CNTNAP2: variants seen among roughly 807,000 people sequenced by gnomAD.
The protein encoded by CNTNAP2 is contactin-associated protein-like 2.
A neutral mutation model predicts 155.2 loss-of-function variants in CNTNAP2; 98 were observed. The observed-to-expected ratio is 0.63, with a 90% CI of 0.54 to 0.75. The LOEUF (loss-of-function observed/expected upper bound fraction) is 0.75. Ranked by LOEUF, CNTNAP2 falls within the 30% of genes least tolerant of loss-of-function variation. The probability of loss-of-function intolerance (pLI) is 0.00; values close to 1 mark genes in which losing one functional copy is unlikely to be tolerated. For synonymous variants in CNTNAP2, 651 were observed against 631.2 expected (o/e 1.03, Z -0.47); for missense variants, 1,727 against 1,688.1 (o/e 1.02, Z -0.40).
chr7:147,893,220 T>A (rs544112537), intron 13 of CNTNAP2, among the ~76,000 whole-genome samples: 51 of 152,344 alleles, frequency 3.3e-4, no homozygotes, highest in Non-Finnish European at 7.1e-4. Context: ...TGCCAATACA[T>A]GATTTTTTAT....
intron 21 of CNTNAP2, among the ~76,000 whole-genome samples, chr7:148,327,119 A>G (rs1038350880): frequency 1.9e-4 from 29 of 152,248 alleles, no homozygotes; most frequent in African/African-American, 6.7e-4. Flanking sequence ...CGAAGGAGTG[A>G]AATACCTACC....
At chr7:147,317,835 T>C (rs1352329622) in intron 9 of CNTNAP2, among the ~76,000 whole-genome samples, 1 of 151,838 alleles carries the variant, frequency 6.6e-6, no homozygotes, top group East Asian at 1.9e-4. Context: ...TGTGCGTGTA[T>C]ATATGTATCT....
intron 2 of CNTNAP2, among the ~76,000 whole-genome samples, chr7:146,834,951 G>T (rs1281456135): frequency 6.6e-6 from 1 of 152,036 alleles, no homozygotes; most frequent in African/African-American, 2.4e-5. Context: ...AGACCAAAGA[G>T]AAAAAGGGAA....
At chr7:147,643,130 T>G (rs150212777) in intron 13 of CNTNAP2, among the ~76,000 whole-genome samples, 1 of 152,134 alleles carries the variant, frequency 6.6e-6, no homozygotes, top group African/African-American at 2.4e-5. Context: ...AACACTGTCT[T>G]TAATTTATGG....
At chr7:146,537,853 A>G (rs1797893122) in intron 1 of CNTNAP2, among the ~76,000 whole-genome samples, 1 of 152,150 alleles carries the variant, frequency 6.6e-6, no homozygotes, top group East Asian at 1.9e-4. Context: ...CACTGGGGAG[A>G]GAGCAGGCAT....
chr7:146,929,385 G>C (rs1796693745), intron 3 of CNTNAP2, among the ~76,000 whole-genome samples: 1 of 152,176 alleles, frequency 6.6e-6, no homozygotes, highest in Non-Finnish European at 1.5e-5. Flanking sequence ...GGTCCTGTCT[G>C]TTAGAAGGAA....
At chr7:146,537,946 G>A (rs563700390) in intron 1 of CNTNAP2, among the ~76,000 whole-genome samples, 9 of 152,094 alleles carry the variant, frequency 5.9e-5, no homozygotes, top group East Asian at 5.8e-4. Flanking sequence ...GATGTGAGAC[G>A]CTATGGAAGG....
intron 13 of CNTNAP2, among the ~76,000 whole-genome samples, chr7:147,725,798 A>G (rs965130977): frequency 3.9e-5 from 6 of 152,026 alleles, no homozygotes; most frequent in Non-Finnish European, 8.8e-5. Flanking sequence ...CTTCTACCAC[A>G]AACCAGTTTT....
chr7:147,449,843 T>C (rs935615359), intron 10 of CNTNAP2, among the ~76,000 whole-genome samples: 1 of 152,220 alleles, frequency 6.6e-6, no homozygotes, highest in Non-Finnish European at 1.5e-5. Flanking sequence ...CATTCTCTGC[T>C]TTTTTCTCCC....
intron 8 of CNTNAP2, among the ~76,000 whole-genome samples, chr7:147,191,936 G>C (rs1232020096): frequency 3.9e-5 from 6 of 152,184 alleles, no homozygotes; most frequent in African/African-American, 1.4e-4. Flanking sequence ...TGTCCTGTTT[G>C]TAAGCTACGC....
At chr7:147,963,569 CAGTA>C (rs929391178) in intron 14 of CNTNAP2, among the ~76,000 whole-genome samples, 22 of 152,162 alleles carry the variant, frequency 1.4e-4, no homozygotes, top group African/African-American at 4.6e-4. Flanking sequence ...CGTTGAGGAA[CAGTA>C]AATGGTTTAT....
intron 2 of CNTNAP2, among the ~76,000 whole-genome samples, chr7:146,827,433 T>TATACTTAC (rs1055714690): frequency 1.3e-5 from 2 of 152,040 alleles, no homozygotes; most frequent in African/African-American, 4.8e-5. Flanking sequence ...TTGTAGTCTA[T>TATACTTAC]ATACTTACTT....
intron 11 of CNTNAP2, among the ~76,000 whole-genome samples, chr7:147,489,731 T>C (rs1798572406): frequency 6.6e-6 from 1 of 152,174 alleles, no homozygotes. Flanking sequence ...TTCTGCTGCC[T>C]CAGCCTCCCA....
intron 13 of CNTNAP2, among the ~76,000 whole-genome samples, chr7:147,807,912 A>C (rs1162417681): frequency 1.3e-5 from 2 of 152,058 alleles, no homozygotes; most frequent in Non-Finnish European, 2.9e-5. Flanking sequence ...CCCCCTTAAC[A>C]TTTGCCAGTC....
chr7:147,801,142 C>T (rs1797975765), intron 13 of CNTNAP2, among the ~76,000 whole-genome samples: 2 of 151,714 alleles, frequency 1.3e-5, no homozygotes, highest in Middle Eastern at 3.4e-3. Flanking sequence ...TCAAAGAAGA[C>T]TTACAAATTG....
chr7:148,387,960 T>C, intron 22 of CNTNAP2, among the ~76,000 whole-genome samples: 1 of 152,020 alleles, frequency 6.6e-6, no homozygotes, highest in Middle Eastern at 3.4e-3. Flanking sequence ...TACACTCCCA[T>C]CAGCACCATG....
At position 148,229,732 on chromosome 7, in the gene CNTNAP2, C is replaced by A; in HGVS notation, c.3334C>A (p.Pro1112Thr). ...VDHRNMANGQ[P>T]HSVNITRHEK... ...CCACAGGAACATGGCCAATGGACAG[C>A]CCCACAGTGTCAACATCACCCGCCA... The change falls in exon 20 of 24, where the codon CCC becomes ACC. Residue 1112 changes from proline (P) to threonine (T), a missense_variant. Physicochemically the swap from Pro to Thr is conservative, Grantham distance 38 (BLOSUM62 -1). Transcript: ENST00000361727. 6.2e-7 allele frequency: 1 copy of A among 1,614,040 alleles called. No homozygotes were observed. Among genetic ancestry groups the A allele is most frequent in the Non-Finnish European group, 8.5e-7 (1 of 1,180,006 alleles).
chr7:146,287,956 T>C (rs528505256), intron 1 of CNTNAP2, among the ~76,000 whole-genome samples: 1 of 152,272 alleles, frequency 6.6e-6, no homozygotes, highest in Non-Finnish European at 1.5e-5. Flanking sequence ...AAATTTGTAT[T>C]AAATTTTCTC....
Position 147,822,078 on chromosome 7 carries a change from AT to A in CNTNAP2, c.2099-81484del, listed in dbSNP as rs1175800548. ...TGAGGACAGAGAAACTGTCCGCTAG[AT>A]TTAGTCTCATGGAAGTCTTCTATGG... On this transcript the variant is annotated intron_variant, in intron 13 of 23. Coordinates refer to ENST00000361727, the MANE Select transcript of CNTNAP2 (RefSeq NM_014141.6). Among the ~76,000 whole-genome samples the A allele has an allele frequency of 3.3e-5, 5 of 152,196 alleles. No individual in the cohort carries two copies. The East Asian group carries it at 9.7e-4, about 29-fold the overall frequency.
Sources: allele counts gnomAD v4.1 joint callset (sites outside exome capture counted in the v4.1 genomes callset), GRCh38; gene constraint gnomAD v4.1.1; transcripts MANE v1.5; gene names NCBI Gene and HGNC (gene_info 2026-07-23, HGNC 2026-07-21).